RIMS2: variants seen among roughly 807,000 people sequenced by gnomAD.
RIMS2 encodes regulating synaptic membrane exocytosis 2.
Under a neutral mutation model 174.4 loss-of-function variants are expected in RIMS2, and 59 were observed. That is an observed-to-expected ratio of 0.34 (90% confidence interval 0.27 to 0.42). The LOEUF (loss-of-function observed/expected upper bound fraction) is 0.42. Ranked by LOEUF, RIMS2 falls within the 10% of genes least tolerant of loss-of-function variation. The pLI is 1.00. For missense variants in RIMS2, 1,620 were observed against 1,666.3 expected, an observed-to-expected ratio of 0.97 and a Z score of 0.48; for synonymous variants, 606 against 572.5, an observed-to-expected ratio of 1.06 and a Z score of -0.84.
Position 104,186,973 on chromosome 8 carries a change from C to T in RIMS2, c.3335-57943C>T, listed in dbSNP as rs181769410. On this transcript the variant is annotated intron_variant, in intron 19 of 23. Coordinates refer to ENST00000504942, the Ensembl canonical transcript of RIMS2. The stretch of plus-strand genomic sequence containing the variant: ...CTTGCAGGAAAATAGAGGAAAGAAC[C>T]TATTTGTACAAATAGGTTTAGGGAA... 1.8e-3 allele frequency among the ~76,000 whole-genome samples: 275 copies of T among 151,614 alleles called. 1 individual carries two copies. The highest frequency in any genetic ancestry group is 6.2e-3 in the African/African-American group (256 of 41,386).
intron 19 of RIMS2, among the ~76,000 whole-genome samples, chr8:104,075,688 A>G (rs181390490): frequency 2.0e-5 from 3 of 152,320 alleles, no homozygotes; most frequent in East Asian, 3.9e-4. Flanking sequence ...TTCAGGTCCT[A>G]TAGCAGAATC....
At chr8:104,209,977 C>T (rs987674842) in intron 19 of RIMS2, among the ~76,000 whole-genome samples, 3 of 152,016 alleles carry the variant, frequency 2.0e-5, no homozygotes, top group South Asian at 2.1e-4. Context: ...GCAATCACTA[C>T]GTATTTTTAA....
intron 15 of RIMS2, among the ~76,000 whole-genome samples, 191 bp downstream of exon 17, chr8:103,961,324 G>A (rs767032900): frequency 2.6e-5 from 4 of 151,998 alleles, no homozygotes; most frequent in Non-Finnish European, 4.4e-5. Context: ...CAATTAGATT[G>A]GATAGTCTTG....
At chr8:104,165,616 T>G (rs915522272) in intron 19 of RIMS2, among the ~76,000 whole-genome samples, 1 of 152,146 alleles carries the variant, frequency 6.6e-6, no homozygotes, top group Non-Finnish European at 1.5e-5. Context: ...CCTTTATGAT[T>G]GTTCCATCAG....
chr8:104,008,116 C>G (rs1478691242), intron 17 of RIMS2, among the ~76,000 whole-genome samples: 1 of 151,998 alleles, frequency 6.6e-6, no homozygotes, highest in African/African-American at 2.4e-5. Context: ...TAGAGATATA[C>G]TTTTAAAAAT....
intron 19 of RIMS2, among the ~76,000 whole-genome samples, chr8:104,174,679 G>A (rs903954190): frequency 2.0e-5 from 3 of 151,970 alleles, no homozygotes; most frequent in African/African-American, 7.3e-5. Context: ...TCTTATATGA[G>A]GAAACTAAAG....
chr8:104,012,570 T>G (rs2095797478), intron 17 of RIMS2, among the ~76,000 whole-genome samples: 2 of 152,092 alleles, frequency 1.3e-5, no homozygotes, highest in South Asian at 4.1e-4. Flanking sequence ...GTTTTACTTT[T>G]GAATTCTGGA....
chr8:104,005,910 T>C (rs983907932), intron 17 of RIMS2, among the ~76,000 whole-genome samples: 3 of 151,972 alleles, frequency 2.0e-5, no homozygotes, highest in Admixed American at 6.6e-5. Flanking sequence ...ACAGTCTATG[T>C]AGAACATAGA....
rs149944931 is a variant in RIMS2, at chr8:103,723,792, A to G, written c.387+26496A>G. 4.7e-3 allele frequency among the ~76,000 whole-genome samples: 710 copies of G among 152,066 alleles called. 9 individuals are homozygous for G. Among genetic ancestry groups the G allele is most frequent in the African/African-American group, 0.015 (633 of 41,470 alleles). On this transcript the variant is annotated intron_variant, in intron 2 of 23. Coordinates refer to ENST00000504942, the Ensembl canonical transcript of RIMS2. ...AGTGTAGGTCTATAGGGTCTAGCCCATAGCCTGAGGCCACAGAGCTGGCCC... is the reference window on the plus strand; with the variant it reads ...AGTGTAGGTCTATAGGGTCTAGCCCGTAGCCTGAGGCCACAGAGCTGGCCC...
At chr8:104,255,620 G>A (rs2099366597), downstream of RIMS2, 1 of 152,190 alleles carries the variant, frequency 6.6e-6, no homozygotes. Context: ...TGGTCCTGTA[G>A]TGGGTATGAT....
intron 3 of RIMS2, among the ~76,000 whole-genome samples, chr8:103,810,664 T>G (rs1024710507): frequency 2.6e-5 from 4 of 152,332 alleles, no homozygotes; most frequent in Middle Eastern, 3.4e-3. Flanking sequence ...AAAGGTTACT[T>G]TACTCAAGCA....
intron 1 of RIMS2, among the ~76,000 whole-genome samples, chr8:103,528,257 ATTTG>A (rs1563651109): frequency 4.6e-5 from 7 of 151,052 alleles, no homozygotes. Context: ...TTTCTTGTAA[ATTTG>A]TTTGAGTTCT....
At chr8:104,239,140 G>A (rs561593507) in intron 19 of RIMS2, among the ~76,000 whole-genome samples, 2 of 152,266 alleles carry the variant, frequency 1.3e-5, no homozygotes, top group Admixed American at 6.5e-5. Flanking sequence ...GCCTTGGGTG[G>A]GGCTTAAAAT....
At chr8:104,134,979 C>T (rs1367502907) in intron 19 of RIMS2, among the ~76,000 whole-genome samples, 1 of 151,898 alleles carries the variant, frequency 6.6e-6, no homozygotes, top group Non-Finnish European at 1.5e-5. Context: ...AGACATGTTA[C>T]AACAAGTTAG....
chr8:103,736,138 C>G (rs2097682436), intron 2 of RIMS2, among the ~76,000 whole-genome samples: 2 of 152,046 alleles, frequency 1.3e-5, no homozygotes, highest in South Asian at 4.1e-4. Context: ...GGTTTAATAG[C>G]CATAGTAATT....
intron 19 of RIMS2, among the ~76,000 whole-genome samples, chr8:104,060,555 G>T (rs1049226517): frequency 6.6e-5 from 10 of 150,762 alleles, no homozygotes; most frequent in African/African-American, 2.4e-4. Context: ...AGGGTTTTTT[G>T]TGTCTCTATT....
chr8:104,170,492 G>A (rs1353682628), intron 19 of RIMS2, among the ~76,000 whole-genome samples: 2 of 151,884 alleles, frequency 1.3e-5, no homozygotes, highest in Admixed American at 1.3e-4. Context: ...CTCACTTTTG[G>A]TTTCCATTCT....
At chr8:103,503,461 G>A (rs1389083281) in intron 1 of RIMS2, among the ~76,000 whole-genome samples, 1 of 151,566 alleles carries the variant, frequency 6.6e-6, no homozygotes, top group East Asian at 1.9e-4. Flanking sequence ...TAATACTAAC[G>A]GTCTTCAATG....
intron 19 of RIMS2, among the ~76,000 whole-genome samples, chr8:104,089,340 T>C (rs2097591817): frequency 1.3e-5 from 2 of 151,888 alleles, no homozygotes; most frequent in African/African-American, 2.4e-5. Context: ...TTCTCTCTCA[T>C]TGTTGAAGTA....
Sources: allele counts gnomAD v4.1 joint callset (sites outside exome capture counted in the v4.1 genomes callset), GRCh38; gene constraint gnomAD v4.1.1; transcripts MANE v1.5; gene names NCBI Gene and HGNC (gene_info 2026-07-23, HGNC 2026-07-21).